The following NAA10 variants were observed in gnomAD, a reference collection of about 807,000 sequenced individuals.
The protein encoded by NAA10 is N-alpha-acetyltransferase 10, NatA catalytic subunit.
In NAA10, 6 loss-of-function variants were observed where a neutral mutation model predicts 19.2. The ratio of observed to expected loss-of-function variants is 0.31; its 90% CI spans 0.17 to 0.62. The LOEUF is 0.62. Ranked by LOEUF, NAA10 falls within the 20% of genes least tolerant of loss-of-function variation. The pLI, the probability that NAA10 is intolerant of heterozygous loss-of-function variation, is 0.83. For missense variants in NAA10, 101 were observed against 198.4 expected, an observed-to-expected ratio of 0.51 and a Z score of 2.95; for synonymous variants, 97 against 79.9, an observed-to-expected ratio of 1.21 and a Z score of -1.14.
At chrX:153,930,662 A>G (rs1557107247) in intron 7 of NAA10, 101 bp downstream of exon 7, 1 of 912,729 alleles carries the variant, frequency 1.1e-6, no homozygotes, top group African/African-American at 1.9e-5. Flanking sequence ...CAACGTAGCC[A>G]CAAGAGCTGG....
chrX:153,932,173 G>A (rs781799010), intron 5 of NAA10, 58 bp from the exon 6 acceptor site: 107 of 1,193,592 alleles, frequency 9.0e-5, no homozygotes, highest in Non-Finnish European at 1.1e-4. Flanking sequence ...GGGGTAGCAC[G>A]TCCAGGTCTT....
chrX:153,934,399 T>C lies in NAA10; in HGVS notation c.98A>G (p.Tyr33Cys). The C allele has an allele frequency of 8.3e-7, 1 of 1,207,381 alleles. No individual in the cohort carries two copies. The highest frequency in any genetic ancestry group is 1.1e-6 in the Non-Finnish European group (1 of 892,745). The change falls in exon 2 of 8, where the codon TAC becomes TGC. Residue 33 changes from tyrosine to cysteine, a missense_variant. Tyr to Cys is a radical substitution (Grantham distance 194). Coordinates refer to ENST00000464845, the MANE Select transcript of NAA10 (RefSeq NM_003491.4). Reference sequence around the variant, plus strand: ...CACCTGGGGCCAGGAAAGGCCATGGTAGAAGTAGTATTTCATCTGGTAGTT... The same window carrying C: ...CACCTGGGGCCAGGAAAGGCCATGGCAGAAGTAGTATTTCATCTGGTAGTT... ...PENYQMKYYF[Y>C]HGLSWPQLSY...
intron 3 of NAA10, among the ~76,000 whole-genome samples, chrX:153,933,334 C>T (rs2065177434): frequency 8.9e-6 from 1 of 112,287 alleles, no homozygotes; most frequent in African/African-American, 3.2e-5. Context: ...GGGCTTACAA[C>T]ACAAAGAGAA....
chrX:153,934,956 G>T lies in NAA10; in HGVS notation c.-52C>A. The T allele has an allele frequency of 1.0e-6, 1 of 960,205 alleles. No individual in the cohort carries two copies. The highest frequency in any genetic ancestry group is 3.3e-5 in the South Asian group (1 of 30,020). 79.1% of individuals were successfully genotyped at this position (960,205 alleles called of 1,213,427 possible). On this transcript the variant is annotated 5_prime_UTR_variant, in exon 1 of 8. Coordinates refer to ENST00000464845, the MANE Select transcript of NAA10 (RefSeq NM_003491.4). ...GCGGATCGTGAAGGCGCAGTCAGCT[G>T]CCGCCGCGCTCCGAAGCGACGCCGG...
intron 6 of NAA10, 172 bp downstream of exon 6, chrX:153,931,899 C>A (rs1237443072): frequency 1.7e-6 from 2 of 1,145,099 alleles, no homozygotes; most frequent in Admixed American, 5.3e-5. Context: ...GGCTTTTCAA[C>A]CATCAGCCGC....
In NAA10 at chrX:153,930,919, C is replaced by T. The variant is rs782012477; in HGVS notation, c.387-72G>A. The T allele has an allele frequency of 3.5e-5, 42 of 1,208,615 alleles. No homozygotes were observed. In the Admixed American group the frequency reaches 7.2e-4, roughly 21 times the overall value. ...GGACACCCTCCTCCACTCCTGGTAT[C>T]GTGGCTACTGGAGCAAGGTGCCATG... is the stretch of plus-strand genomic sequence containing the variant. On this transcript the variant is annotated intron_variant, in intron 6 of 7. Transcript: ENST00000464845.
At chrX:153,932,244 G>T (rs942304881) in intron 5 of NAA10, 72 bp downstream of exon 5, 3 of 1,139,721 alleles carry the variant, frequency 2.6e-6, no homozygotes, top group African/African-American at 1.8e-5. Flanking sequence ...ACCAAAAGCT[G>T]AGGTACCCCA....
chrX:153,930,421 A>C (rs951169214), intron 7 of NAA10, 198 bp from the exon 8 acceptor site: 2 of 474,772 alleles, frequency 4.2e-6, no homozygotes, highest in African/African-American at 4.8e-5. Context: ...ACTACCATGG[A>C]GGCCCCCACG....
intron 7 of NAA10, 106 bp downstream of exon 7, chrX:153,930,657 T>C (rs1371009448): frequency 2.3e-6 from 2 of 868,324 alleles, no homozygotes; most frequent in African/African-American, 3.9e-5. Context: ...CCTGGCAACG[T>C]AGCCACAAGA....
At chrX:153,931,605 C>T (rs2065166937) in intron 6 of NAA10, 1 of 753,428 alleles carries the variant, frequency 1.3e-6, no homozygotes, top group Non-Finnish European at 1.6e-6. Flanking sequence ...GCCTCCTGGT[C>T]CTCAGGCAGA....
intron 6 of NAA10, 61 bp downstream of exon 6, chrX:153,932,010 G>C: frequency 2.5e-6 from 3 of 1,211,787 alleles, no homozygotes; most frequent in Non-Finnish European, 3.4e-6. Context: ...GGTCTCAGGT[G>C]CCCTGATGGG....
At position 153,929,898 on chromosome X, in the gene NAA10, T is replaced by C. The variant is rs782572094; in HGVS notation, c.*89A>G. ...GACCTGGAGAAACACACCCTCTAAA[T>C]GTGCGCGCGCTCACACACAAAGTTC... On this transcript the variant is annotated 3_prime_UTR_variant, in exon 8 of 8. Coordinates refer to ENST00000464845, the MANE Select transcript of NAA10 (RefSeq NM_003491.4). 7.8e-6 allele frequency: 6 copies of C among 774,154 alleles called. No individual in the cohort carries two copies. Among genetic ancestry groups the C allele is most frequent in the Non-Finnish European group, 8.0e-6 (4 of 502,937 alleles). 63.8% of individuals were successfully genotyped at this position (774,154 alleles called of 1,213,427 possible).
rs1557107170 is a variant in NAA10, at chrX:153,930,234, G to A, written c.472-11C>T. 2 of 1,195,815 alleles carry A rather than the reference G, an allele frequency of 1.7e-6. No homozygotes were observed. Among genetic ancestry groups the A allele is most frequent in the Non-Finnish European group, 1.1e-6 (1 of 881,785 alleles). ...CAGGTGCCGCCTCAGCTGCCACCAGGAACCCAGGGAGAAGCGGGGGCAAAG... is the reference window on the plus strand; with the variant it reads ...CAGGTGCCGCCTCAGCTGCCACCAGAAACCCAGGGAGAAGCGGGGGCAAAG... On this transcript the variant is annotated splice_polypyrimidine_tract_variant and intron_variant, in intron 7 of 7. Transcript: ENST00000464845.
intron 3 of NAA10, chrX:153,932,860 T>C (rs1476681628): frequency 1.1e-5 from 4 of 375,438 alleles, no homozygotes; most frequent in African/African-American, 7.7e-5. Context: ...GAGACCAGCC[T>C]GGACAACACT....
intron 6 of NAA10, 142 bp downstream of exon 6, chrX:153,931,929 C>A (rs2065168637): frequency 8.4e-7 from 1 of 1,186,544 alleles, no homozygotes; most frequent in Non-Finnish European, 1.1e-6. Flanking sequence ...GTGGAGGTAT[C>A]CTGGCAGTGC....
intron 1 of NAA10, 119 bp downstream of exon 1, chrX:153,934,765 G>A: frequency 1.2e-6 from 1 of 844,096 alleles, no homozygotes; most frequent in Non-Finnish European, 1.6e-6. Context: ...AGGTCCAGCG[G>A]CCGCAGGCAC....
At chrX:153,934,110 G>T in intron 2 of NAA10, 109 bp from the exon 3 acceptor site, 1 of 756,358 alleles carries the variant, frequency 1.3e-6, no homozygotes, top group African/African-American at 2.0e-5. Context: ...CATGACCTCC[G>T]GGCTGAGTGG....
chrX:153,931,997 G>T, intron 6 of NAA10, 74 bp downstream of exon 6: 1 of 1,211,470 alleles, frequency 8.3e-7, no homozygotes, highest in Non-Finnish European at 1.1e-6. Context: ...AGGCAACTCA[G>T]CCGGTCTCAG....
chrX:153,932,637 C>T (rs953589093), intron 3 of NAA10, 53 bp from the exon 4 acceptor site: 12 of 1,076,226 alleles, frequency 1.1e-5, no homozygotes, highest in Non-Finnish European at 1.5e-5. Context: ...GGCACAGCCA[C>T]CTCCAGCCCC....
Sources: gnomAD v4.1 joint callset for allele counts (sites outside exome capture counted in the v4.1 genomes callset) on GRCh38, gnomAD v4.1.1 for gene constraint, MANE v1.5 for transcripts, NCBI Gene and HGNC (gene_info 2026-07-23, HGNC 2026-07-21) for gene names.